DPP10: variants seen among roughly 807,000 people sequenced by gnomAD.
DPP10 encodes the protein inactive dipeptidyl peptidase 10.
In DPP10, 33 loss-of-function variants were observed where a neutral mutation model predicts 120.9. The ratio of observed to expected loss-of-function variants is 0.27; its 90% CI spans 0.21 to 0.37. The LOEUF (loss-of-function observed/expected upper bound fraction) is 0.37, where lower values mean the gene tolerates loss of function less well. Among genes scored for constraint, DPP10 ranks in the 10% least tolerant of loss-of-function variants. The probability of loss-of-function intolerance (pLI) is 1.00; values close to 1 mark genes in which losing one functional copy is unlikely to be tolerated. For missense variants in DPP10, 816 were observed against 942.8 expected (o/e 0.87, Z 1.76); for synonymous variants, 337 against 326.1 (o/e 1.03, Z -0.36).
At chr2:115,371,026 A>T (rs976013687) in intron 3 of DPP10, among the ~76,000 whole-genome samples, 20 of 152,140 alleles carry the variant, frequency 1.3e-4, no homozygotes, top group African/African-American at 4.3e-4. Flanking sequence ...ATGAATTGTT[A>T]AAAAATTAAA....
At chr2:114,532,296 T>TATATATATATATATACAC (rs1342125338) in intron 1 of DPP10, among the ~76,000 whole-genome samples, 7 of 74,780 alleles carry the variant, frequency 9.4e-5, no homozygotes, top group East Asian at 4.5e-4. Context: ...TATATATATA[T>TATATATATATATATACAC]ACACACACAC....
At chr2:115,244,235 TATATAGAGAGAGAGAGAGAG>T (rs1328795030) in intron 1 of DPP10, among the ~76,000 whole-genome samples, 6 of 54,018 alleles carry the variant, frequency 1.1e-4, no homozygotes, top group African/African-American at 2.6e-4. Context: ...TATATATATA[TATATAGAGAGAGAGAGAGAG>T]AGAGAGAGAG....
intron 15 of DPP10, among the ~76,000 whole-genome samples, chr2:115,779,313 C>T (rs1420147833): frequency 6.6e-6 from 1 of 151,996 alleles, no homozygotes; most frequent in African/African-American, 2.4e-5. Flanking sequence ...TAAATTTTCC[C>T]TTAAATAGCT....
At chr2:115,762,677 A>T in intron 12 of DPP10, 67 bp downstream of exon 12, 2 of 1,566,736 alleles carry the variant, frequency 1.3e-6, no homozygotes, top group Admixed American at 1.7e-5. Context: ...TTTTTATGTG[A>T]TAACTTTCTG....
chr2:115,222,319 T>C (rs1205733564), intron 1 of DPP10, among the ~76,000 whole-genome samples: 3 of 152,162 alleles, frequency 2.0e-5, no homozygotes, highest in African/African-American at 4.8e-5. Context: ...ATTGGTAATT[T>C]GATTTGAATC....
At chr2:114,666,419 A>G (rs966738573) in intron 1 of DPP10, among the ~76,000 whole-genome samples, 1 of 152,256 alleles carries the variant, frequency 6.6e-6, no homozygotes, top group African/African-American at 2.4e-5. Flanking sequence ...TCCTTTTCAC[A>G]TAGCTGAACA....
chr2:115,628,072 T>C (rs2085512424), intron 5 of DPP10, among the ~76,000 whole-genome samples: 1 of 148,426 alleles, frequency 6.7e-6, no homozygotes, highest in Admixed American at 6.6e-5. Flanking sequence ...CATTTCTGGT[T>C]CTAGGTCTTT....
At chr2:114,788,472 G>A (rs942991886) in intron 1 of DPP10, among the ~76,000 whole-genome samples, 1 of 150,180 alleles carries the variant, frequency 6.7e-6, no homozygotes, top group Admixed American at 6.6e-5. Context: ...CTGGAGTGCA[G>A]TGGCACAATC....
At chr2:114,486,274 G>C (rs1681514600) in intron 1 of DPP10, among the ~76,000 whole-genome samples, 1 of 151,678 alleles carries the variant, frequency 6.6e-6, no homozygotes, top group Non-Finnish European at 1.5e-5. Context: ...CATATCATTT[G>C]GGGACATCCA....
intron 19 of DPP10, among the ~76,000 whole-genome samples, chr2:115,791,647 C>T (rs1024820652): frequency 1.6e-4 from 24 of 152,264 alleles, no homozygotes; most frequent in Non-Finnish European, 8.8e-5. Context: ...TCAAGCCCTG[C>T]GCTCTTTATC....
At chr2:115,342,139 C>G (rs1455846158) in intron 2 of DPP10, 3 of 454,482 alleles carry the variant, frequency 6.6e-6, no homozygotes, top group African/African-American at 6.0e-5. Flanking sequence ...TTCCTTTCTT[C>G]AAACTCATTA....
rs1206340483 is a variant in DPP10 at position 115,379,938 on chromosome 2, T to C, written c.271+36026T>C. 2.0e-5 allele frequency among the ~76,000 whole-genome samples: 3 copies of C among 152,328 alleles called. 1 individual carries two copies. The highest frequency in any genetic ancestry group is 4.4e-5 in the Non-Finnish European group (3 of 68,032). ...AGAGATAGTTTGTTATAATTTCTGT[T>C]CTTTTACATTTGCTGTGGAGAGCTT... is the stretch of plus-strand genomic sequence containing the variant. On this transcript the variant is annotated intron_variant, in intron 3 of 25. Transcript: ENST00000410059.
chr2:115,333,830 G>A (rs1017034666), intron 2 of DPP10, among the ~76,000 whole-genome samples: 4 of 152,080 alleles, frequency 2.6e-5, no homozygotes, highest in African/African-American at 9.6e-5. Context: ...TGGATAACCC[G>A]ACCTTTCTCT....
At chr2:114,509,888 G>C (rs1351594661) in intron 1 of DPP10, among the ~76,000 whole-genome samples, 2 of 152,180 alleles carry the variant, frequency 1.3e-5, no homozygotes, top group African/African-American at 4.8e-5. Context: ...TTAAATGTTT[G>C]CCTGTTGGTT....
intron 1 of DPP10, among the ~76,000 whole-genome samples, chr2:115,154,699 C>T (rs966004543): frequency 6.6e-6 from 1 of 151,732 alleles, no homozygotes; most frequent in Non-Finnish European, 1.5e-5. Flanking sequence ...GCTCCCCCTA[C>T]TTAGGCAAGG....
intron 1 of DPP10, among the ~76,000 whole-genome samples, chr2:114,772,666 T>C (rs1681374872): frequency 6.6e-6 from 1 of 152,050 alleles, no homozygotes; most frequent in African/African-American, 2.4e-5. Context: ...TCATACCTTT[T>C]TTTTTTTTCA....
intron 11 of DPP10, 131 bp downstream of exon 11, chr2:115,753,428 A>G: frequency 1.2e-6 from 1 of 821,106 alleles, no homozygotes; most frequent in Non-Finnish European, 1.8e-6. Flanking sequence ...GAAAAGAATT[A>G]TTCTATTAAG....
chr2:115,196,625 A>G (rs1014893450), intron 1 of DPP10, among the ~76,000 whole-genome samples: 1 of 152,198 alleles, frequency 6.6e-6, no homozygotes, highest in Admixed American at 6.5e-5. Context: ...GTGGGTAACT[A>G]TAACCATAAA....
chr2:115,455,165 T>C lies in DPP10; in HGVS notation c.272-44345T>C, dbSNP rs541879523. ...GTTGCTAAAACAAATTGAAGATCTA[T>C]ATAAATGGAGAGACATTCCATGTTC... is the stretch of plus-strand genomic sequence containing the variant. On this transcript the variant is annotated intron_variant, in intron 3 of 25. Transcript: ENST00000410059. Among the ~76,000 whole-genome samples, 4 of 152,058 alleles carry C rather than the reference T, an allele frequency of 2.6e-5. No individual in the cohort carries two copies. The East Asian group carries it at 7.7e-4, about 29-fold the overall frequency.
Sources: gnomAD v4.1 joint callset for allele counts (sites outside exome capture counted in the v4.1 genomes callset) on GRCh38, gnomAD v4.1.1 for gene constraint, MANE v1.5 for transcripts, NCBI Gene and HGNC (gene_info 2026-07-23, HGNC 2026-07-21) for gene names.